Variants in TMEM242 observed in about 807,000 individuals in gnomAD.
TMEM242 encodes the protein UPF0463 transmembrane protein C6orf35.
A neutral mutation model predicts 18.2 loss-of-function variants in TMEM242; 10 were observed. The ratio of observed to expected loss-of-function variants is 0.55; its 90% CI spans 0.34 to 0.93. The LOEUF is 0.93. Ranked by LOEUF, TMEM242 falls within the 40% of genes least tolerant of loss-of-function variation. TMEM242 has a pLI of 0.02. For synonymous variants in TMEM242, 57 were observed against 69.9 expected (o/e 0.81, Z 0.92); for missense variants, 186 against 175.5 (o/e 1.06, Z -0.34).
At chr6:157,308,789 G>C (rs190760646) in intron 3 of TMEM242, among the ~76,000 whole-genome samples, 1 of 152,140 alleles carries the variant, frequency 6.6e-6, no homozygotes, top group African/African-American at 2.4e-5. Flanking sequence ...CAATCAGATT[G>C]GCAAAAATTT....
At chr6:157,312,356 T>TAGTGCCCCAGTGTGCGCTCACCTAGC (rs74209830) in intron 3 of TMEM242, among the ~76,000 whole-genome samples, 1 of 28,936 alleles carries the variant, frequency 3.5e-5, no homozygotes, top group African/African-American at 1.2e-4. Context: ...AGCCTCATCA[T>TAGTGCCCCAGTGTGCGCTCACCTAGC]GTCCCAGTGT....
chr6:157,312,708 T>A (rs1778210954), intron 3 of TMEM242, among the ~76,000 whole-genome samples: 2 of 151,228 alleles, frequency 1.3e-5, no homozygotes, highest in Non-Finnish European at 2.9e-5. Context: ...CAGTGTGCGC[T>A]CACCTGGCCT....
intron 2 of TMEM242, among the ~76,000 whole-genome samples, chr6:157,320,873 T>C (rs1778484051): frequency 6.6e-6 from 1 of 152,186 alleles, no homozygotes; most frequent in Non-Finnish European, 1.5e-5. Context: ...AAATATTCTT[T>C]CAAGTAAAAA....
rs1275283123 is a variant in TMEM242, at chr6:157,315,693, A to ATT, written c.327+3087_327+3088dup. Among the ~76,000 whole-genome samples, 7 of 152,116 alleles carry ATT rather than the reference A, an allele frequency of 4.6e-5. No homozygotes were observed. In the East Asian group the frequency reaches 1.3e-3, roughly 29 times the overall value. On this transcript the variant is annotated intron_variant, in intron 3 of 3. Transcript: ENST00000400788. ...TATTCAGTAGTGCCAACCAGAAAAT[A>ATT]TTTTTTCTCCCCAAAATATCTTATT... is the stretch of plus-strand genomic sequence containing the variant.
intron 3 of TMEM242, chr6:157,299,440 T>C (rs1777796314): frequency 7.4e-6 from 10 of 1,344,634 alleles, no homozygotes; most frequent in Admixed American, 3.4e-5. Flanking sequence ...CATGCTCTCC[T>C]AGGATCCATC....
chr6:157,296,413 G>T (rs1777750219), intron 3 of TMEM242, among the ~76,000 whole-genome samples: 1 of 152,212 alleles, frequency 6.6e-6, no homozygotes, highest in African/African-American at 2.4e-5. Context: ...TGAGTGGAGT[G>T]TGGTGGCTCA....
At chr6:157,300,273 G>C (rs1777812029) in intron 3 of TMEM242, 1 of 330,668 alleles carries the variant, frequency 3.0e-6, no homozygotes, top group Non-Finnish European at 5.7e-6. Context: ...GCGGCTGCGC[G>C]GGCCTTGCCA....
chr6:157,313,734 G>A (rs1778300792), intron 3 of TMEM242, among the ~76,000 whole-genome samples: 1 of 96,678 alleles, frequency 1.0e-5, no homozygotes, highest in Non-Finnish European at 2.2e-5. Flanking sequence ...TGCTCACCCG[G>A]CCTCATCACA....
At chr6:157,317,398 G>A (rs782554116) in intron 3 of TMEM242, among the ~76,000 whole-genome samples, 2 of 152,052 alleles carry the variant, frequency 1.3e-5, no homozygotes, top group South Asian at 2.1e-4. Flanking sequence ...TTTCTTCACC[G>A]GGTGTCCAAG....
At chr6:157,322,862 T>G in intron 1 of TMEM242, 57 bp from the exon 2 acceptor site, 1 of 1,433,418 alleles carries the variant, frequency 7.0e-7, no homozygotes, top group Non-Finnish European at 9.7e-7. Flanking sequence ...TAAAAAGAGG[T>G]TAAAAAGATG....
At chr6:157,322,607 C>T (rs981822142) in intron 2 of TMEM242, 98 bp downstream of exon 2, 3 of 945,914 alleles carry the variant, frequency 3.2e-6, no homozygotes, top group Non-Finnish European at 4.8e-6. Flanking sequence ...CATCTTAAAG[C>T]AATGTGAAAG....
rs587597717 is a variant in TMEM242 at position 157,301,324 on chromosome 6, T to C, written c.328-8325A>G. Among the ~76,000 whole-genome samples, 6 of 115,968 alleles carry C rather than the reference T, an allele frequency of 5.2e-5. No individual in the cohort carries two copies. The South Asian group carries it at 1.5e-3, about 29-fold the overall frequency. 76.1% of individuals were successfully genotyped at this position (115,968 alleles called of 152,430 possible). A position where few individuals can be genotyped will look rare whatever the true frequency, so the allele number is the denominator to read the frequency against. ...ATATTTGGACTTGAAAAGCTATTAC[T>C]TTTTTTTTTTTGAGACAGAGTCTTG... On this transcript the variant is annotated intron_variant, in intron 3 of 3. Transcript: ENST00000400788.
At chr6:157,300,902 C>T (rs868978032) in intron 3 of TMEM242, among the ~76,000 whole-genome samples, 2 of 152,112 alleles carry the variant, frequency 1.3e-5, no homozygotes, top group African/African-American at 4.8e-5. Context: ...CAAGTTTCAA[C>T]CAATGCATAA....
chr6:157,294,011 G>A (rs34264504), intron 3 of TMEM242, among the ~76,000 whole-genome samples: 5,039 of 152,120 alleles, frequency 0.033, 259 homozygotes, highest in African/African-American at 0.11. Context: ...GTGCACCACC[G>A]CGCCCAGCCT....
At chr6:157,311,760 A>G (rs1241598161) in intron 3 of TMEM242, among the ~76,000 whole-genome samples, 1 of 1,016 alleles carries the variant, frequency 9.8e-4, no homozygotes, top group African/African-American at 5.6e-3. Context: ...CCCAGTGTGC[A>G]CTCACCTAGC....
intron 3 of TMEM242, chr6:157,299,493 AG>A (rs1777798395): frequency 7.0e-7 from 1 of 1,429,134 alleles, no homozygotes; most frequent in South Asian, 1.2e-5. Flanking sequence ...TGTCCAAACA[AG>A]AAACAAAAAC....
chr6:157,312,271 C>G (rs1554249194), intron 3 of TMEM242, among the ~76,000 whole-genome samples: 4 of 152,174 alleles, frequency 2.6e-5, no homozygotes, highest in Non-Finnish European at 5.9e-5. Context: ...CCAGTGTGCA[C>G]TCACCTAGCC....
chr6:157,312,728 G>A lies in TMEM242; in HGVS notation c.327+6054C>T, dbSNP rs1254777002. Among the ~76,000 whole-genome samples, 533 of 94,612 alleles carry A rather than the reference G, an allele frequency of 5.6e-3. 2 individuals carry two copies. Among genetic ancestry groups the A allele is most frequent in the South Asian group, 9.9e-3 (23 of 2,330 alleles). The allele number at this position is 94,612 out of a possible 152,430, so 62.1% of individuals were successfully genotyped here. On this transcript the variant is annotated intron_variant, in intron 3 of 3. Transcript: ENST00000400788. ...TGCGCTCACCTGGCCTCATCTTACT[G>A]TCCCAGTGTGCGCTCACCTGGCCTC...
Position 157,312,894 on chromosome 6 carries a change from T to C in TMEM242, c.327+5888A>G, listed in dbSNP as rs62425591. On this transcript the variant is annotated intron_variant, in intron 3 of 3. Coordinates refer to ENST00000400788, the MANE Select transcript of TMEM242 (RefSeq NM_018452.6). ...AGTGTGCACTCACCTAGCCTCATCA[T>C]AGTGTCCCACTGTGCGCTCACCCGG... 3.3e-5 allele frequency among the ~76,000 whole-genome samples: 5 copies of C among 151,960 alleles called. No individual in the cohort carries two copies. The East Asian group carries it at 7.7e-4, about 24-fold the overall frequency.
Sources: allele counts gnomAD v4.1 joint callset (sites outside exome capture counted in the v4.1 genomes callset), GRCh38; gene constraint gnomAD v4.1.1; transcripts MANE v1.5; gene names NCBI Gene and HGNC (gene_info 2026-07-23, HGNC 2026-07-21).